The following MUC4 variants were observed in gnomAD, a reference collection of about 807,000 sequenced individuals.
MUC4 encodes the protein mucin-4.
MUC4 carries 202 observed loss-of-function variants against 257.9 expected under a neutral mutation model. That is an observed-to-expected ratio of 0.78 (90% confidence interval 0.70 to 0.88). The LOEUF is 0.88. Among genes scored for constraint, MUC4 ranks in the 40% least tolerant of loss-of-function variants. The pLI is 0.00. For missense variants in MUC4, 5,976 were observed against 6,513.7 expected (o/e 0.92, Z 2.84); for synonymous variants, 2,351 against 2,757.1 (o/e 0.85, Z 4.62).
intron 17 of MUC4, among the ~76,000 whole-genome samples, chr3:195,758,768 A>C (rs1452131295): frequency 1.4e-5 from 2 of 140,942 alleles, no homozygotes; most frequent in African/African-American, 5.4e-5. Flanking sequence ...ACGGGGTTTC[A>C]CCATGTTGGC....
At chr3:195,795,816 A>G (rs1361300589) in intron 1 of MUC4, among the ~76,000 whole-genome samples, 1 of 126,842 alleles carries the variant, frequency 7.9e-6, no homozygotes, top group Non-Finnish European at 1.6e-5. Flanking sequence ...AAAATAAAAC[A>G]AATACCTGGC....
At chr3:195,766,566 T>G in intron 8 of MUC4, 97 bp downstream of exon 8, 1 of 1,073,818 alleles carries the variant, frequency 9.3e-7, no homozygotes, top group Non-Finnish European at 1.4e-6. Context: ...ATGGCCGTGA[T>G]GTTAGGGAGG....
In MUC4 at chr3:195,785,370, A is replaced by G; in HGVS notation, c.6210T>C (p.Pro2070=). 1 of 1,513,914 alleles carries G rather than the reference A, an allele frequency of 6.6e-7. No individual in the cohort carries two copies. The highest frequency in any genetic ancestry group is 8.9e-7 in the Non-Finnish European group (1 of 1,123,556). The allele number at this position is 1,513,914 out of a possible 1,614,324, so 93.8% of individuals were successfully genotyped here. The change falls in exon 2 of 25, where the codon CCT becomes CCC. Residue 2070 remains proline, a synonymous_variant. Transcript: ENST00000463781. ...GDTTPLPVTN[P]SSASTGHATP... is the part of the protein sequence containing the mutation. Reference sequence around the variant, plus strand: ...TGGCGTGACCTGTGGATGCTGAGGAAGGGTTAGTGACAGGAAGAGGCGTGG... The same window carrying G: ...TGGCGTGACCTGTGGATGCTGAGGAGGGGTTAGTGACAGGAAGAGGCGTGG...
intron 4 of MUC4, among the ~76,000 whole-genome samples, chr3:195,773,082 G>C (rs750480740): frequency 2.2e-5 from 2 of 91,356 alleles, no homozygotes; most frequent in African/African-American, 9.0e-5. Flanking sequence ...CCTCTCTATC[G>C]TTCGGGGTGT....
In MUC4 at chr3:195,770,762, G is replaced by C. The variant is rs1416889697; in HGVS notation, c.13243-391C>G. The C allele has an allele frequency of 6.7e-5, 29 of 434,462 alleles. 1 individual carries two copies. The highest frequency in any genetic ancestry group is 4.5e-4 in the South Asian group (27 of 59,576). The allele number at this position is 434,462 out of a possible 1,614,324, so 26.9% of individuals were successfully genotyped here. A position where few individuals can be genotyped will look rare whatever the true frequency, so the allele number is the denominator to read the frequency against. ...CTCCACACTGCCCTGTCCGTGGCAGGGGCACGGTCCACACTTCCTGCAGTA... is the reference window on the plus strand; with the variant it reads ...CTCCACACTGCCCTGTCCGTGGCAGCGGCACGGTCCACACTTCCTGCAGTA... On this transcript the variant is annotated intron_variant, in intron 5 of 24. Coordinates refer to ENST00000463781, the MANE Select transcript of MUC4 (RefSeq NM_018406.7).
chr3:195,770,843 C>T (rs766804479), intron 5 of MUC4: 17 of 458,406 alleles, frequency 3.7e-5, no homozygotes, highest in African/African-American at 2.0e-4. Flanking sequence ...GAGCACAGGA[C>T]GGGCCCTCTT....
chr3:195,774,494 C>A (rs1410979316), intron 3 of MUC4, among the ~76,000 whole-genome samples, 189 bp from the exon 4 acceptor site: 1 of 152,194 alleles, frequency 6.6e-6, no homozygotes, highest in Non-Finnish European at 1.5e-5. Flanking sequence ...GGTCATTTTA[C>A]TCCCTAAACT....
rs759053376 is a variant in MUC4, at chr3:195,769,056, G to T, written c.13495C>A (p.Arg4499Ser). 2 of 1,613,852 alleles carry T rather than the reference G, an allele frequency of 1.2e-6. No individual in the cohort carries two copies. The highest frequency in any genetic ancestry group is 1.3e-5 in the African/African-American group (1 of 74,932). Residue 4499 changes from arginine to serine, a missense_variant, in exon 7 of 25, where the codon CGC (arginine) becomes AGC (serine). Around this residue, in one of 44 missense-constraint regions of MUC4, gnomAD observed 996 missense variants for 1,137.3 expected, o/e 0.88. Coordinates refer to ENST00000463781, the MANE Select transcript of MUC4 (RefSeq NM_018406.7). ...SGGMQWDVAQ[R>S]SGNPVLMGFS... Reference sequence around the variant, plus strand: ...CCCATGAGCACCGGGTTGCCTGAGCGCTGGGCCACGTCCCACTGCATCCCA... The same window carrying T: ...CCCATGAGCACCGGGTTGCCTGAGCTCTGGGCCACGTCCCACTGCATCCCA...
rs770576163 is a variant in MUC4 at position 195,788,992 on chromosome 3, A to G, written c.2588T>C (p.Met863Thr). The G allele has an allele frequency of 3.1e-6, 5 of 1,613,856 alleles. No individual in the cohort carries two copies. Among genetic ancestry groups the G allele is most frequent in the Non-Finnish European group, 2.5e-6 (3 of 1,179,836 alleles). Residue 863 changes from methionine (M) to threonine (T), a missense_variant, in exon 2 of 25, where the codon ATG becomes ACG. Met to Thr is a moderately conservative substitution (Grantham distance 81). Coordinates refer to ENST00000463781, the MANE Select transcript of MUC4 (RefSeq NM_018406.7). The stretch of plus-strand genomic sequence containing the variant: ...GGTGCCGGGGACGATCGAAGACGCC[A>G]TTCCTGTGCTTACTGGGATGGCACC... ...SHGAIPVSTG[M>T]ASSIVPGTFH...
At position 195,782,199 on chromosome 3, in the gene MUC4, G is replaced by C. The variant is rs753961736; in HGVS notation, c.9381C>G (p.Ser3127=). ...CGGTGGCCTGACCTGTGGATGCTGA[G>C]GAAGTGTCGGTGACAGGAAGAGGGG... ...HTTPLPVTDT[S]SASTGQATAL... The change falls in exon 2 of 25, where the codon TCC becomes TCG. Residue 3127 remains serine, a synonymous_variant. Coordinates refer to ENST00000463781, the MANE Select transcript of MUC4 (RefSeq NM_018406.7). 4 of 1,388,132 alleles carry C rather than the reference G, an allele frequency of 2.9e-6. 1 individual carries two copies. The highest frequency in any genetic ancestry group is 1.5e-5 in the African/African-American group (1 of 67,900). The allele number at this position is 1,388,132 out of a possible 1,614,324, so 86.0% of individuals were successfully genotyped here. A position where few individuals can be genotyped will look rare whatever the true frequency, so the allele number is the denominator to read the frequency against.
At chr3:195,778,064 C>T (rs1011441249) in intron 3 of MUC4, among the ~76,000 whole-genome samples, 1 of 152,236 alleles carries the variant, frequency 6.6e-6, no homozygotes, top group Non-Finnish European at 1.5e-5. Context: ...CTCTAACCGC[C>T]GCTACCGGAC....
intron 1 of MUC4, among the ~76,000 whole-genome samples, chr3:195,801,434 C>T (rs1735294677): frequency 7.1e-6 from 1 of 140,098 alleles, no homozygotes; most frequent in South Asian, 2.2e-4. Context: ...TCCGCACCCT[C>T]CCCGGGGCCC....
Position 195,746,905 on chromosome 3 carries a change from T to C in MUC4, c.*271A>G, listed in dbSNP as rs6802709. 0.17 allele frequency: 93,167 copies of C among 545,474 alleles called. 7,300 individuals are homozygous for C. The highest frequency in any genetic ancestry group is 0.22 in the African/African-American group (11,559 of 51,556). The allele number at this position is 545,474 out of a possible 1,614,324, so 33.8% of individuals were successfully genotyped here. A position where few individuals can be genotyped will look rare whatever the true frequency, so the allele number is the denominator to read the frequency against. On this transcript the variant is annotated 3_prime_UTR_variant, in exon 25 of 25. Transcript: ENST00000463781. The stretch of plus-strand genomic sequence containing the variant: ...GAACTCGTGTGTGTGTGTGTGTGTG[T>C]GCACGCGCGCGTGCACAGGCTAGTG...
chr3:195,788,558 G>C lies in MUC4; in HGVS notation c.3022C>G (p.Pro1008Ala). The change falls in exon 2 of 25, where the codon CCT becomes GCT. Residue 1008 changes from proline (P) to alanine (A), a missense_variant. Physicochemically the swap from Pro to Ala is conservative, Grantham distance 27. Transcript: ENST00000463781. ...GAGGAAGGGCTGGTGACAGGAAGAGGGGTGGCGTGACCTGTGGATACTGAG... is the reference window on the plus strand; with the variant it reads ...GAGGAAGGGCTGGTGACAGGAAGAGCGGTGGCGTGACCTGTGGATACTGAG... Reference protein sequence around the residue: ...ASSVSTGHATPLPVTSPSSVS... With the variant: ...ASSVSTGHATALPVTSPSSVS... The C allele has an allele frequency of 1.3e-6, 2 of 1,527,268 alleles. No individual in the cohort carries two copies. The highest frequency in any genetic ancestry group is 2.0e-5 in the Admixed American group (1 of 50,440). The allele number at this position is 1,527,268 out of a possible 1,614,324, so 94.6% of individuals were successfully genotyped here.
At position 195,788,223 on chromosome 3, in the gene MUC4, G is replaced by T. The variant is rs761909728; in HGVS notation, c.3357C>A (p.Thr1119=). The stretch of plus-strand genomic sequence containing the variant: ...AGGAAGTGTCGGTGACAGGAAGAGG[G>T]GTGGTGTGACCTGTGGATACTGAGG... ...DTSSVSTGHT[T]PLPVTDTSSA... The change falls in exon 2 of 25, where the codon ACC becomes ACA. Residue 1119 remains threonine (T), a synonymous_variant. Coordinates refer to ENST00000463781, the MANE Select transcript of MUC4 (RefSeq NM_018406.7). The T allele has an allele frequency of 6.9e-7, 1 of 1,458,360 alleles. No homozygotes were observed. Among genetic ancestry groups the T allele is most frequent in the East Asian group, 3.1e-5 (1 of 31,924 alleles). 90.3% of individuals were successfully genotyped at this position (1,458,360 alleles called of 1,614,324 possible).
intron 12 of MUC4, 115 bp from the exon 13 acceptor site, chr3:195,763,060 G>T (rs997619502): frequency 2.6e-5 from 22 of 859,160 alleles, no homozygotes; most frequent in Non-Finnish European, 3.3e-5. Context: ...GGAGGAAGGC[G>T]CTGGAGGCCG....
At position 195,786,928 on chromosome 3, in the gene MUC4, G is replaced by A. The variant is rs776032209; in HGVS notation, c.4652C>T (p.Thr1551Ile). ...SPSSASTGDT[T>I]PLPVTDASSV... ...GGAAGCGTCGGTGACAGGAAGAGGG[G>A]TGGTGTCACCTGTGGATGCTGAGGA... Residue 1551 changes from threonine (T) to isoleucine (I), a missense_variant, in exon 2 of 25, where the codon ACC becomes ATC. Physicochemically the swap from Thr to Ile is moderately conservative, Grantham distance 89. Coordinates refer to ENST00000463781, the MANE Select transcript of MUC4 (RefSeq NM_018406.7). 241 of 1,511,440 alleles carry A rather than the reference G, an allele frequency of 1.6e-4. 1 individual carries two copies. In the African/African-American group the frequency reaches 1.7e-3, roughly 11 times the overall value. The allele number at this position is 1,511,440 out of a possible 1,614,324, so 93.6% of individuals were successfully genotyped here. A position where few individuals can be genotyped will look rare whatever the true frequency, so the allele number is the denominator to read the frequency against.
In MUC4 at chr3:195,788,710, A is replaced by G. The variant is rs922558631; in HGVS notation, c.2870T>C (p.Leu957Pro). 1.9e-6 allele frequency: 3 copies of G among 1,612,118 alleles called. No homozygotes were observed. The highest frequency in any genetic ancestry group is 3.3e-5 in the Admixed American group (2 of 59,882). Residue 957 changes from leucine to proline, a missense_variant, in exon 2 of 25, where the codon CTG (leucine) becomes CCG (proline). Leu to Pro is a moderately conservative substitution (Grantham distance 98). Around this residue, in one of 44 missense-constraint regions of MUC4, gnomAD observed 1,583 missense variants for 1,257.4 expected, o/e 1.26. Transcript: ENST00000463781. ...GGTTTTACCAGACCCTGAAGGTGAC[A>G]GAGTGTGGGTCTCGGTTTGTGGAGA... ...LTSPQTETHT[L>P]SPSGSGKTFT... is the part of the protein sequence containing the mutation.
At position 195,771,782 on chromosome 3, in the gene MUC4, G is replaced by C; in HGVS notation, c.13112C>G (p.Ser4371Ter). The change falls in exon 5 of 25, where the codon TCA (serine) becomes TGA (stop). Residue 4371 changes from serine (S) to a stop codon, truncating the protein, a stop_gained. Coordinates refer to ENST00000463781, the MANE Select transcript of MUC4 (RefSeq NM_018406.7). LOFTEE classifies it high-confidence loss of function. ...GGGGTAGGAGAAAATCTGGTAGTCT[G>C]ACTCTGGGAAGATGATCTGGCCATT... Reference protein sequence around the residue: ...TDNGQIIFPESDYQIFSYPNP... With the variant: ...TDNGQIIFPE The C allele has an allele frequency of 6.2e-7, 1 of 1,613,938 alleles. No individual in the cohort carries two copies. Among genetic ancestry groups the C allele is most frequent in the Non-Finnish European group, 8.5e-7 (1 of 1,179,848 alleles).
Sources: gnomAD v4.1 joint callset for allele counts (sites outside exome capture counted in the v4.1 genomes callset) on GRCh38, gnomAD v4.1.1 for gene constraint, gnomAD v4.1.1 regional missense constraint, MANE v1.5 for transcripts, NCBI Gene and HGNC (gene_info 2026-07-23, HGNC 2026-07-21) for gene names.